The following CNTN4 variants were observed in gnomAD, a reference collection of about 807,000 sequenced individuals.
The protein encoded by CNTN4 is contactin 4.
CNTN4 carries 77 observed loss-of-function variants against 122.5 expected under a neutral mutation model. The observed-to-expected ratio is 0.63, with a 90% confidence interval of 0.52 to 0.76. The LOEUF (loss-of-function observed/expected upper bound fraction) is 0.76, where lower values mean the gene tolerates loss of function less well. Among genes scored for constraint, CNTN4 ranks in the 30% least tolerant of loss-of-function variants. CNTN4 has a pLI of 0.00. For synonymous variants in CNTN4, 512 were observed against 447.0 expected, an observed-to-expected ratio of 1.15 and a Z score of -1.83; for missense variants, 1,256 against 1,259.1, an observed-to-expected ratio of 1.00 and a Z score of 0.04.
intron 4 of CNTN4, among the ~76,000 whole-genome samples, chr3:2,630,826 A>G (rs908443344): frequency 2.6e-4 from 40 of 152,298 alleles, no homozygotes; most frequent in Admixed American, 1.9e-3. Flanking sequence ...GTAAATATTC[A>G]TAATACAGAA....
In CNTN4 at chr3:2,785,444, T is replaced by G. The variant is rs529289801; in HGVS notation, c.359-34042T>G. Among the ~76,000 whole-genome samples the G allele has an allele frequency of 5.9e-5, 9 of 152,266 alleles. No homozygotes were observed. In the East Asian group the frequency reaches 1.3e-3, roughly 23 times the overall value. ...GGATTGAATGATGCCAACCACATAG[T>G]TGGGGGGCAGTCTACCTTGCTGAGT... On this transcript the variant is annotated intron_variant, in intron 6 of 24. Transcript: ENST00000418658.
At chr3:2,316,320 A>C (rs981512445) in intron 2 of CNTN4, among the ~76,000 whole-genome samples, 2 of 152,078 alleles carry the variant, frequency 1.3e-5, no homozygotes, top group African/African-American at 4.8e-5. Flanking sequence ...ATGCTTTATC[A>C]AGATGTATTT....
Position 2,862,518 on chromosome 3 carries a change from G to A in CNTN4, c.455-4234G>A, listed in dbSNP as rs568413069. Among the ~76,000 whole-genome samples the A allele has an allele frequency of 3.9e-5, 6 of 152,250 alleles. No homozygotes were observed. The South Asian group carries it at 1.2e-3, about 32-fold the overall frequency. On this transcript the variant is annotated intron_variant, in intron 7 of 24. Coordinates refer to ENST00000418658, the MANE Select transcript of CNTN4 (RefSeq NM_175607.3). ...ATACAACTAGCCTCAGTATTTTTCA[G>A]TTGAGCCCCAGAAGTTTCACAATCC... is the stretch of plus-strand genomic sequence containing the variant.
At chr3:2,439,883 C>G (rs2048374233) in intron 3 of CNTN4, among the ~76,000 whole-genome samples, 3 of 152,024 alleles carry the variant, frequency 2.0e-5, no homozygotes, top group Non-Finnish European at 4.4e-5. Flanking sequence ...ATCTTTAGCT[C>G]AACACTCTGA....
At chr3:2,393,341 A>G (rs2046516195) in intron 3 of CNTN4, among the ~76,000 whole-genome samples, 1 of 152,164 alleles carries the variant, frequency 6.6e-6, no homozygotes, top group African/African-American at 2.4e-5. Flanking sequence ...CTGAAGATTT[A>G]GGATTTCATC....
At chr3:2,989,103 T>C (rs986051436) in intron 14 of CNTN4, 1 of 152,670 alleles carries the variant, frequency 6.6e-6, no homozygotes, top group Non-Finnish European at 1.5e-5. Flanking sequence ...ATTTCAATAT[T>C]AGCTTCATGG....
chr3:2,628,543 A>G (rs967595205), intron 4 of CNTN4, among the ~76,000 whole-genome samples: 2 of 152,230 alleles, frequency 1.3e-5, no homozygotes, highest in South Asian at 4.1e-4. Context: ...TACTGAGAGA[A>G]GATTTCCAAA....
chr3:2,617,231 C>T (rs1429650897), intron 4 of CNTN4, among the ~76,000 whole-genome samples: 1 of 151,836 alleles, frequency 6.6e-6, no homozygotes, highest in Non-Finnish European at 1.5e-5. Context: ...AAAATTTTTG[C>T]AATCTACCCA....
chr3:2,439,156 A>G (rs2048349590), intron 3 of CNTN4, among the ~76,000 whole-genome samples: 1 of 152,216 alleles, frequency 6.6e-6, no homozygotes, highest in Non-Finnish European at 1.5e-5. Flanking sequence ...AAACAAAGAT[A>G]ACTTTTATAT....
chr3:2,932,459 T>C (rs951530254), intron 13 of CNTN4, among the ~76,000 whole-genome samples: 2 of 152,078 alleles, frequency 1.3e-5, no homozygotes, highest in African/African-American at 4.8e-5. Context: ...ATGGGCCTCA[T>C]TGGTCTAAAA....
Position 2,941,905 on chromosome 3 carries a change from G to A in CNTN4, c.1358+16126G>A, listed in dbSNP as rs563229400. 1.5e-3 allele frequency among the ~76,000 whole-genome samples: 223 copies of A among 152,228 alleles called. 1 individual carries two copies. Among genetic ancestry groups the A allele is most frequent in the African/African-American group, 5.0e-3 (207 of 41,540 alleles). On this transcript the variant is annotated intron_variant, in intron 13 of 24. Coordinates refer to ENST00000418658, the MANE Select transcript of CNTN4 (RefSeq NM_175607.3). ...TTCAACTGCCTCTCCCTACCTGTAC[G>A]TGCCAGAGGTCTGAGGCCGTGTATA...
chr3:2,296,444 A>C (rs1237414588), intron 2 of CNTN4, among the ~76,000 whole-genome samples: 4 of 151,718 alleles, frequency 2.6e-5, no homozygotes, highest in Non-Finnish European at 5.9e-5. Flanking sequence ...AAGCAATTTA[A>C]TTATTTCAGT....
intron 3 of CNTN4, among the ~76,000 whole-genome samples, chr3:2,546,337 A>AT (rs1559217214): frequency 2.0e-5 from 3 of 151,938 alleles, no homozygotes; most frequent in East Asian, 1.9e-4. Flanking sequence ...AAAAAAAAAA[A>AT]GAACAAGATA....
chr3:2,860,258 A>G (rs905807308), intron 7 of CNTN4, among the ~76,000 whole-genome samples: 1 of 152,190 alleles, frequency 6.6e-6, no homozygotes, highest in Non-Finnish European at 1.5e-5. Flanking sequence ...ATTGGAGGTA[A>G]TTGCCTGAAA....
At chr3:2,110,927 G>A (rs1280729854) in intron 2 of CNTN4, among the ~76,000 whole-genome samples, 1 of 152,144 alleles carries the variant, frequency 6.6e-6, no homozygotes, top group Admixed American at 6.6e-5. Flanking sequence ...GTAGCATCAT[G>A]TTAGTGAAAA....
At chr3:2,147,717 C>G (rs1446173909) in intron 2 of CNTN4, among the ~76,000 whole-genome samples, 2 of 152,138 alleles carry the variant, frequency 1.3e-5, no homozygotes, top group East Asian at 3.9e-4. Flanking sequence ...TGAATTGAGG[C>G]CTTTATGACA....
intron 2 of CNTN4, among the ~76,000 whole-genome samples, chr3:2,193,583 G>T (rs1415766608): frequency 2.6e-5 from 4 of 152,124 alleles, no homozygotes; most frequent in African/African-American, 9.7e-5. Context: ...ATTACTGGGT[G>T]AATTAACAAC....
intron 2 of CNTN4, among the ~76,000 whole-genome samples, chr3:2,301,675 A>G (rs1227907890): frequency 1.3e-5 from 2 of 152,224 alleles, no homozygotes; most frequent in Non-Finnish European, 2.9e-5. Flanking sequence ...CTTGGGGAAT[A>G]ATACAGAGTC....
At chr3:2,803,138 C>G (rs184527518) in intron 6 of CNTN4, among the ~76,000 whole-genome samples, 1 of 152,148 alleles carries the variant, frequency 6.6e-6, no homozygotes, top group East Asian at 1.9e-4. Context: ...ATGATATGAA[C>G]TGGCATTTTC....
Sources: allele counts gnomAD v4.1 joint callset (sites outside exome capture counted in the v4.1 genomes callset), GRCh38; gene constraint gnomAD v4.1.1; transcripts MANE v1.5; gene names NCBI Gene and HGNC (gene_info 2026-07-23, HGNC 2026-07-21).